CILK1: variants seen among roughly 807,000 people sequenced by gnomAD.
CILK1 encodes the protein serine/threonine-protein kinase ICK.
A neutral mutation model predicts 79.2 loss-of-function variants in CILK1; 47 were observed. That is an observed-to-expected ratio of 0.59 (90% CI 0.47 to 0.76). The LOEUF (loss-of-function observed/expected upper bound fraction) is 0.76. Ranked by LOEUF, CILK1 falls within the 30% of genes least tolerant of loss-of-function variation. CILK1 has a pLI of 0.00. For missense variants in CILK1, 660 were observed against 769.5 expected, an observed-to-expected ratio of 0.86 and a Z score of 1.68; for synonymous variants, 266 against 275.9, an observed-to-expected ratio of 0.96 and a Z score of 0.36.
chr6:53,006,361 A>G lies in CILK1; in HGVS notation c.1698T>C (p.Ser566=), dbSNP rs1561999429. The G allele has an allele frequency of 1.2e-6, 2 of 1,614,034 alleles. No individual in the cohort carries two copies. The highest frequency in any genetic ancestry group is 3.3e-5 in the Admixed American group (2 of 60,024). Residue 566 remains serine (S), a synonymous_variant, in exon 13 of 14, where the codon TCT becomes TCC. Coordinates refer to ENST00000676107, the MANE Select transcript of CILK1 (RefSeq NM_014920.5). ...VPSFLKKEIG[S]AMQRVHLAPI... ...GTGCTAGGTGTACCCTCTGCATAGC[A>G]GAACCGATTTCTTTTTTCAGAAAGG...
intron 1 of CILK1, among the ~76,000 whole-genome samples, chr6:53,060,770 T>C (rs533350141): frequency 6.6e-6 from 1 of 152,362 alleles, no homozygotes; most frequent in East Asian, 1.9e-4. Context: ...TCATTTAAAC[T>C]TTATATTCGG....
At position 53,013,687 on chromosome 6, in the gene CILK1, G is replaced by A; in HGVS notation, c.1127C>T (p.Ser376Phe). The change falls in exon 9 of 14, where the codon TCC becomes TTC. Residue 376 changes from serine (S) to phenylalanine (F), a missense_variant. Transcript: ENST00000676107. ...CGACTGTGGATGCTTGTTGTGGAGGGATGGGAAAAGCAACGGGCTTGGCTT... is the reference window on the plus strand; with the variant it reads ...CGACTGTGGATGCTTGTTGTGGAGGAATGGGAAAAGCAACGGGCTTGGCTT... The part of the protein sequence containing the change: ...EDKPSPLLFP[S>F]LHNKHPQSKI... 3.1e-6 allele frequency: 5 copies of A among 1,614,106 alleles called. No individual in the cohort carries two copies. Among genetic ancestry groups the A allele is most frequent in the Non-Finnish European group, 4.2e-6 (5 of 1,179,976 alleles).
intron 4 of CILK1, 78 bp from the exon 5 acceptor site, chr6:53,031,222 G>A: frequency 1.1e-6 from 1 of 898,262 alleles, no homozygotes; most frequent in Non-Finnish European, 1.9e-6. Context: ...AATACCATTT[G>A]TCCATACAGG....
At position 53,005,164 on chromosome 6, in the gene CILK1, G is replaced by A. The variant is rs1482268900; in HGVS notation, c.1884C>T (p.Tyr628=). ...AGGCAGACAGTCATCGCCGAGATGCGTACTTGGAAGCCCAGTCTGTCCGGC... is the reference window on the plus strand; with the variant it reads ...AGGCAGACAGTCATCGCCGAGATGCATACTTGGAAGCCCAGTCTGTCCGGC... The part of the protein sequence containing the change: ...VHGRTDWASK[Y]ASRR The change falls in exon 14 of 14, where the codon TAC becomes TAT. Residue 628 remains tyrosine, a synonymous_variant. Transcript: ENST00000676107. The A allele has an allele frequency of 2.5e-6, 4 of 1,614,146 alleles. No individual in the cohort carries two copies. The highest frequency in any genetic ancestry group is 1.3e-5 in the African/African-American group (1 of 75,054).
At chr6:53,049,445 AG>A (rs1767328753) in intron 1 of CILK1, among the ~76,000 whole-genome samples, 2 of 152,212 alleles carry the variant, frequency 1.3e-5, no homozygotes, top group Non-Finnish European at 2.9e-5. Context: ...ATAAGATGCA[AG>A]TAAGATACAA....
At chr6:53,041,018 A>G (rs186429157) in intron 2 of CILK1, 118 bp downstream of exon 2, 5 of 763,794 alleles carry the variant, frequency 6.5e-6, no homozygotes, top group Admixed American at 5.4e-5. Flanking sequence ...ACCCACAGCA[A>G]TCATTATCTA....
At chr6:53,027,352 A>T (rs929037608) in intron 5 of CILK1, among the ~76,000 whole-genome samples, 1 of 152,224 alleles carries the variant, frequency 6.6e-6, no homozygotes, top group African/African-American at 2.4e-5. Context: ...CATTTGCATT[A>T]ATTATTTAAT....
At chr6:53,009,912 A>C (rs1390444092) in intron 11 of CILK1, among the ~76,000 whole-genome samples, 1 of 150,976 alleles carries the variant, frequency 6.6e-6, no homozygotes, top group Non-Finnish European at 1.5e-5. Context: ...TCCATCCCCC[A>C]CCCATGGCCT....
chr6:53,049,308 CAGAT>C (rs1302739489), intron 1 of CILK1, among the ~76,000 whole-genome samples: 1 of 152,184 alleles, frequency 6.6e-6, no homozygotes, highest in East Asian at 1.9e-4. Context: ...CAGGAGGTGA[CAGAT>C]AGACCTTTAT....
rs1014733751 is a variant in CILK1, at chr6:53,002,057, T to C, written c.*3092A>G. The C allele has an allele frequency of 1.3e-5, 2 of 152,588 alleles. No homozygotes were observed. The highest frequency in any genetic ancestry group is 2.9e-5 in the Non-Finnish European group (2 of 68,044). The allele number at this position is 152,588 out of a possible 1,614,324, so 9.5% of individuals were successfully genotyped here. ...GATGACACAGTGTTACTTTATTAGA[T>C]GTATATAGTCCTTTAGGCAAGAGAT... On this transcript the variant is annotated 3_prime_UTR_variant, in exon 14 of 14. Coordinates refer to ENST00000676107, the MANE Select transcript of CILK1 (RefSeq NM_014920.5).
chr6:53,028,951 G>A (rs1765752618), intron 5 of CILK1, among the ~76,000 whole-genome samples: 1 of 151,784 alleles, frequency 6.6e-6, no homozygotes, highest in Admixed American at 6.6e-5. Context: ...CTATGTGTTT[G>A]TGTGTGTGTG....
At position 53,048,613 on chromosome 6, in the gene CILK1, C is replaced by T. The variant is rs369128195; in HGVS notation, c.-172-7205G>A. 4.6e-5 allele frequency among the ~76,000 whole-genome samples: 7 copies of T among 151,964 alleles called. No individual in the cohort carries two copies. The East Asian group carries it at 9.7e-4, about 21-fold the overall frequency. On this transcript the variant is annotated intron_variant, in intron 1 of 13. Transcript: ENST00000676107. Reference sequence around the variant, plus strand: ...CACCTCATAATCTGAAAGTAAAGAACAAAAACTTACTGTTGCGCTGGGAAA... The same window carrying T: ...CACCTCATAATCTGAAAGTAAAGAATAAAAACTTACTGTTGCGCTGGGAAA...
intron 12 of CILK1, among the ~76,000 whole-genome samples, chr6:53,007,037 G>C (rs2127400402): frequency 6.6e-6 from 1 of 152,234 alleles, no homozygotes; most frequent in African/African-American, 2.4e-5. Context: ...TACTCGTCTT[G>C]GTATTCTGGG....
chr6:53,013,734 G>A lies in CILK1; in HGVS notation c.1080C>T (p.His360=), dbSNP rs753479094. ...GCTTGTCCTCCTGGAGATGGCTTGG[G>A]TGATCTGTCCTGGAGACCTCTGCTT... ...PYKAEVSRTD[H]PSHLQEDKPS... is the part of the protein sequence containing the mutation. The change falls in exon 9 of 14, where the codon CAC becomes CAT. Residue 360 remains histidine (H), a synonymous_variant. Coordinates refer to ENST00000676107, the MANE Select transcript of CILK1 (RefSeq NM_014920.5). 2.4e-5 allele frequency: 39 copies of A among 1,614,068 alleles called. No individual in the cohort carries two copies. The South Asian group carries it at 3.5e-4, about 15-fold the overall frequency.
chr6:53,040,998 T>G (rs1766668224), intron 2 of CILK1, 138 bp downstream of exon 2: 1 of 721,836 alleles, frequency 1.4e-6, no homozygotes, highest in Non-Finnish European at 2.6e-6. Flanking sequence ...ACAGAGTCAA[T>G]AATCATCTAA....
intron 5 of CILK1, among the ~76,000 whole-genome samples, chr6:53,023,367 G>A (rs980914120): frequency 9.9e-5 from 15 of 152,114 alleles, no homozygotes; most frequent in African/African-American, 3.6e-4. Context: ...AAGGACTTTC[G>A]TCTGTAGGGA....
intron 2 of CILK1, 61 bp downstream of exon 2, chr6:53,041,075 A>G (rs1051694656): frequency 6.6e-5 from 75 of 1,134,838 alleles, no homozygotes; most frequent in Non-Finnish European, 2.3e-5. Context: ...GAACTGTTAC[A>G]AAGACGGGTA....
intron 9 of CILK1, 45 bp downstream of exon 9, chr6:53,013,617 G>A (rs762452317): frequency 1.3e-6 from 2 of 1,548,332 alleles, no homozygotes; most frequent in Non-Finnish European, 1.8e-6. Flanking sequence ...GGTCAGAAGA[G>A]GAATAAACAG....
At chr6:53,034,389 G>A (rs899139422) in intron 3 of CILK1, among the ~76,000 whole-genome samples, 8 of 152,144 alleles carry the variant, frequency 5.3e-5, no homozygotes, top group Admixed American at 6.5e-5. Context: ...TGTGGGGGAC[G>A]TCAAGTGACT....
Sources: gnomAD v4.1 joint callset for allele counts (sites outside exome capture counted in the v4.1 genomes callset) on GRCh38, gnomAD v4.1.1 for gene constraint, MANE v1.5 for transcripts, NCBI Gene and HGNC (gene_info 2026-07-23, HGNC 2026-07-21) for gene names.